Variants in SLC8A1 observed in about 807,000 individuals in gnomAD.
The protein encoded by SLC8A1 is solute carrier family 8 member A1, also known as sodium/calcium exchanger 1.
Under a neutral mutation model 68.3 loss-of-function variants are expected in SLC8A1, and 18 were observed. The ratio of observed to expected loss-of-function variants is 0.26; its 90% CI spans 0.18 to 0.39. The LOEUF (loss-of-function observed/expected upper bound fraction) is 0.39. Among genes scored for constraint, SLC8A1 ranks in the 10% least tolerant of loss-of-function variants. The probability of loss-of-function intolerance (pLI) is 1.00; values close to 1 mark genes in which losing one functional copy is unlikely to be tolerated. For missense variants in SLC8A1, 985 were observed against 1,156.7 expected (o/e 0.85, Z 2.15); for synonymous variants, 475 against 415.5 (o/e 1.14, Z -1.74).
In SLC8A1 at chr2:40,328,583, G is replaced by A. The variant is rs187399404; in HGVS notation, c.1808+99890C>T. On this transcript the variant is annotated intron_variant, in intron 2 of 7. Transcript: ENST00000406785. Reference sequence around the variant, plus strand: ...CAGCTCTCAATTCTCATTTTTGTTCGCATACATACATTTTCCACTGCCTCT... The same window carrying A: ...CAGCTCTCAATTCTCATTTTTGTTCACATACATACATTTTCCACTGCCTCT... 1.6e-4 allele frequency among the ~76,000 whole-genome samples: 25 copies of A among 151,966 alleles called. No homozygotes were observed. The East Asian group carries it at 3.1e-3, about 19-fold the overall frequency.
At chr2:40,499,112 A>C (rs1054951573) in intron 1 of SLC8A1, among the ~76,000 whole-genome samples, 2 of 152,066 alleles carry the variant, frequency 1.3e-5, no homozygotes, top group African/African-American at 4.8e-5. Flanking sequence ...GACTTCAAAG[A>C]GTGTCACATG....
chr2:40,408,544 G>C (rs1482156399), intron 2 of SLC8A1, among the ~76,000 whole-genome samples: 3 of 152,168 alleles, frequency 2.0e-5, no homozygotes, highest in Non-Finnish European at 1.5e-5. Context: ...TCAACTGCTT[G>C]AATCTGGGTG....
intron 1 of SLC8A1, among the ~76,000 whole-genome samples, chr2:40,494,126 A>T (rs1705519639): frequency 6.6e-6 from 1 of 151,994 alleles, no homozygotes; most frequent in Non-Finnish European, 1.5e-5. Context: ...TAATAATAAT[A>T]ATAATCATAA....
At chr2:40,188,420 G>A (rs1212199340) in intron 2 of SLC8A1, among the ~76,000 whole-genome samples, 1 of 152,180 alleles carries the variant, frequency 6.6e-6, no homozygotes, top group African/African-American at 2.4e-5. Context: ...ATTTGCCACT[G>A]CCTATTACGA....
intron 2 of SLC8A1, among the ~76,000 whole-genome samples, chr2:40,321,876 A>T (rs1470972320): frequency 6.6e-6 from 1 of 152,134 alleles, no homozygotes; most frequent in African/African-American, 2.4e-5. Context: ...AGATACTAGT[A>T]TGTAAAGTAT....
intron 1 of SLC8A1, among the ~76,000 whole-genome samples, chr2:40,509,826 T>C (rs1435824145): frequency 6.6e-6 from 1 of 151,886 alleles, no homozygotes; most frequent in Non-Finnish European, 1.5e-5. Flanking sequence ...TTTTGTTTTT[T>C]TTCCGGTGCA....
At position 40,220,463 on chromosome 2, in the gene SLC8A1, C is replaced by G. The variant is rs2058161911; in HGVS notation, c.1809-42608G>C. 2.0e-5 allele frequency: 3 copies of G among 152,180 alleles called. No homozygotes were observed. The South Asian group carries it at 6.2e-4, about 31-fold the overall frequency. 9.4% of individuals were successfully genotyped at this position (152,180 alleles called of 1,614,324 possible). On this transcript the variant is annotated intron_variant, in intron 2 of 7. Coordinates refer to ENST00000406785, the Ensembl canonical transcript of SLC8A1. ...TTGGGAAGGTCCTAAATTGAGCGGC[C>G]TTTGGGCACAGATCTCTGTGCACTT...
At chr2:40,501,944 T>C (rs1706084095) in intron 1 of SLC8A1, among the ~76,000 whole-genome samples, 1 of 152,052 alleles carries the variant, frequency 6.6e-6, no homozygotes, top group South Asian at 2.1e-4. Flanking sequence ...CTCTGCACCC[T>C]CAATCAAGAT....
At position 40,429,820 on chromosome 2, in the gene SLC8A1, A is replaced by AT; in HGVS notation, c.460dup (p.Ile154AsnfsTer2). 6.2e-7 allele frequency: 1 copy of AT among 1,613,722 alleles called. No homozygotes were observed. Among genetic ancestry groups the AT allele is most frequent in the Non-Finnish European group, 8.5e-7 (1 of 1,179,912 alleles). On this transcript the variant is annotated frameshift_variant, in exon 2 of 8. Coordinates refer to ENST00000406785, the Ensembl canonical transcript of SLC8A1. LOFTEE classifies it high-confidence loss of function. The stretch of plus-strand genomic sequence containing the variant: ...AGTGAAGTTATGGCCACACACTTCA[A>AT]TTACTGAAAGGAGAATCTCAGGAGC...
intron 2 of SLC8A1, among the ~76,000 whole-genome samples, chr2:40,235,547 C>T (rs1309045973): frequency 6.6e-6 from 1 of 151,994 alleles, no homozygotes; most frequent in Non-Finnish European, 1.5e-5. Flanking sequence ...TTTCAAAAAA[C>T]CAGCTCCTGG....
At chr2:40,383,847 T>A (rs759602178) in intron 2 of SLC8A1, among the ~76,000 whole-genome samples, 1 of 152,068 alleles carries the variant, frequency 6.6e-6, no homozygotes, top group Non-Finnish European at 1.5e-5. Context: ...CTGTAAACAT[T>A]ATCCTTAACA....
chr2:40,413,406 G>A (rs1692800814), intron 2 of SLC8A1, among the ~76,000 whole-genome samples: 1 of 152,116 alleles, frequency 6.6e-6, no homozygotes, highest in African/African-American at 2.4e-5. Context: ...TATACACCAT[G>A]GAATACTATG....
At chr2:40,334,897 G>A (rs1665440088) in intron 2 of SLC8A1, among the ~76,000 whole-genome samples, 1 of 152,196 alleles carries the variant, frequency 6.6e-6, no homozygotes, top group Non-Finnish European at 1.5e-5. Flanking sequence ...AGGGGGTGAG[G>A]GGGCAGCAGT....
chr2:40,477,243 T>G (rs941053677), intron 1 of SLC8A1, among the ~76,000 whole-genome samples: 3 of 151,514 alleles, frequency 2.0e-5, no homozygotes, highest in African/African-American at 7.3e-5. Flanking sequence ...ATCTGATATC[T>G]GAAGAAAACA....
intron 2 of SLC8A1, among the ~76,000 whole-genome samples, chr2:40,201,163 C>A (rs2054293754): frequency 6.6e-6 from 1 of 151,668 alleles, no homozygotes; most frequent in African/African-American, 2.4e-5. Flanking sequence ...ACTTCTCCTT[C>A]AAGATTACTA....
chr2:40,413,732 T>A (rs1323210193), intron 2 of SLC8A1, among the ~76,000 whole-genome samples: 1 of 152,196 alleles, frequency 6.6e-6, no homozygotes, highest in African/African-American at 2.4e-5. Flanking sequence ...CTCAAAGGCA[T>A]ACAGAAGTAT....
intron 6 of SLC8A1, among the ~76,000 whole-genome samples, chr2:40,145,963 ATCTC>A (rs386645222): frequency 5.7e-5 from 5 of 87,186 alleles, no homozygotes; most frequent in African/African-American, 9.3e-5. Context: ...ACAAGAGTTG[ATCTC>A]TCTTTTTTTT....
chr2:40,253,877 G>T (rs1353272150), intron 2 of SLC8A1, among the ~76,000 whole-genome samples: 2 of 143,532 alleles, frequency 1.4e-5, no homozygotes, highest in Non-Finnish European at 3.0e-5. Context: ...GACAGCAGGA[G>T]TGGGGGATAA....
intron 6 of SLC8A1, among the ~76,000 whole-genome samples, chr2:40,144,298 A>C (rs2042073385): frequency 6.6e-6 from 1 of 152,186 alleles, no homozygotes; most frequent in Non-Finnish European, 1.5e-5. Context: ...ACCTGATCTT[A>C]TTTCATCCTT....
Sources: gnomAD v4.1 joint callset for allele counts (sites outside exome capture counted in the v4.1 genomes callset) on GRCh38, gnomAD v4.1.1 for gene constraint, MANE v1.5 for transcripts, NCBI Gene and HGNC (gene_info 2026-07-23, HGNC 2026-07-21) for gene names.